The following GRID2 variants were observed in gnomAD, a reference collection of about 807,000 sequenced individuals.
GRID2 encodes the protein glutamate receptor ionotropic, delta-2.
Under a neutral mutation model 114.8 loss-of-function variants are expected in GRID2, and 33 were observed. That is an observed-to-expected ratio of 0.29 (90% CI 0.22 to 0.38). GRID2 has a LOEUF of 0.38. Among genes scored for constraint, GRID2 ranks in the 10% least tolerant of loss-of-function variants. The pLI is 1.00. For synonymous variants in GRID2, 505 were observed against 449.9 expected (o/e 1.12, Z -1.55); for missense variants, 1,184 against 1,257.7 (o/e 0.94, Z 0.89).
chr4:92,796,867 T>C (rs1347775030), intron 2 of GRID2, among the ~76,000 whole-genome samples: 1 of 151,932 alleles, frequency 6.6e-6, no homozygotes, highest in Non-Finnish European at 1.5e-5. Flanking sequence ...TGTTAGAGTC[T>C]ATAGGTAGGC....
intron 14 of GRID2, among the ~76,000 whole-genome samples, chr4:93,757,412 G>C (rs1732842723): frequency 6.6e-6 from 1 of 152,148 alleles, no homozygotes; most frequent in Non-Finnish European, 1.5e-5. Context: ...TCTACCTAGA[G>C]TACTCTTTTC....
rs139857900 is a variant in GRID2, at chr4:93,227,504, G to T, written c.1125+2729G>T. 2.6e-3 allele frequency among the ~76,000 whole-genome samples: 391 copies of T among 152,260 alleles called. 1 individual carries two copies. The highest frequency in any genetic ancestry group is 9.0e-3 in the African/African-American group (373 of 41,548). ...AGCCTCCCAAAGTGCTAGGATTACAGGTGTGAGCCACCATGCCTGTCCCTG... is the reference window on the plus strand; with the variant it reads ...AGCCTCCCAAAGTGCTAGGATTACATGTGTGAGCCACCATGCCTGTCCCTG... On this transcript the variant is annotated intron_variant, in intron 7 of 15. Transcript: ENST00000282020.
At chr4:92,470,466 C>A (rs917022781) in intron 1 of GRID2, among the ~76,000 whole-genome samples, 2 of 151,808 alleles carry the variant, frequency 1.3e-5, no homozygotes, top group East Asian at 3.9e-4. Context: ...AATATGCATT[C>A]TTTCATTTAT....
chr4:92,782,737 G>A (rs556458815), intron 2 of GRID2, among the ~76,000 whole-genome samples: 85 of 152,140 alleles, frequency 5.6e-4, no homozygotes, highest in African/African-American at 2.0e-3. Flanking sequence ...TGATGAGTGG[G>A]AAAAGATAAA....
chr4:93,305,384 A>G (rs1046937583), intron 8 of GRID2, among the ~76,000 whole-genome samples: 11 of 152,198 alleles, frequency 7.2e-5, no homozygotes, highest in Non-Finnish European at 1.3e-4. Flanking sequence ...GCTAATCTGC[A>G]TGGACTAAGT....
chr4:93,067,812 T>C (rs1392117638), intron 2 of GRID2, among the ~76,000 whole-genome samples: 1 of 152,078 alleles, frequency 6.6e-6, no homozygotes, highest in Non-Finnish European at 1.5e-5. Context: ...ACTTAAGAGT[T>C]AATGTGCCTC....
At chr4:92,977,273 G>T (rs1753937226) in intron 2 of GRID2, among the ~76,000 whole-genome samples, 2 of 152,146 alleles carry the variant, frequency 1.3e-5, no homozygotes, top group Non-Finnish European at 2.9e-5. Flanking sequence ...TTTCCCTAAG[G>T]AGATGACATT....
At chr4:93,312,593 T>C (rs1418454097) in intron 8 of GRID2, among the ~76,000 whole-genome samples, 1 of 152,234 alleles carries the variant, frequency 6.6e-6, no homozygotes, top group Non-Finnish European at 1.5e-5. Flanking sequence ...GTAGTCACTT[T>C]AAAATTCACC....
intron 2 of GRID2, among the ~76,000 whole-genome samples, chr4:93,040,285 CAAAAA>C (rs1211442570): frequency 8.9e-6 from 1 of 112,028 alleles, no homozygotes; most frequent in Admixed American, 9.0e-5. Flanking sequence ...TACAGAATCA[CAAAAA>C]AAAAAAAAGA....
intron 1 of GRID2, among the ~76,000 whole-genome samples, chr4:92,441,427 G>A (rs1409421051): frequency 6.6e-6 from 1 of 152,118 alleles, no homozygotes; most frequent in Non-Finnish European, 1.5e-5. Flanking sequence ...AGGGGCAAAG[G>A]AATAGTAAAG....
intron 2 of GRID2, among the ~76,000 whole-genome samples, chr4:92,612,097 C>A (rs550612495): frequency 6.6e-6 from 1 of 151,144 alleles, no homozygotes; most frequent in African/African-American, 2.4e-5. Context: ...CTAGAAAATG[C>A]CTATATTTAA....
chr4:93,258,876 C>G, intron 8 of GRID2: 1 of 453,818 alleles, frequency 2.2e-6, no homozygotes, highest in South Asian at 1.6e-5. Context: ...CATTTATTAT[C>G]CTCTCTTTTC....
At chr4:92,533,482 T>TACATACAC (rs1486871264) in intron 1 of GRID2, among the ~76,000 whole-genome samples, 103 of 147,224 alleles carry the variant, frequency 7.0e-4, no homozygotes, top group African/African-American at 2.2e-3. Context: ...CATACATACA[T>TACATACAC]ACACACACAG....
At chr4:92,802,016 C>T (rs745602178) in intron 2 of GRID2, among the ~76,000 whole-genome samples, 2 of 151,786 alleles carry the variant, frequency 1.3e-5, no homozygotes, top group Non-Finnish European at 2.9e-5. Flanking sequence ...TCATAATATA[C>T]TATCGGATGA....
intron 8 of GRID2, among the ~76,000 whole-genome samples, chr4:93,275,070 C>G (rs1485103377): frequency 6.6e-6 from 1 of 151,902 alleles, no homozygotes; most frequent in Non-Finnish European, 1.5e-5. Context: ...TCACCCCCGA[C>G]TTCCCCCTTT....
intron 2 of GRID2, among the ~76,000 whole-genome samples, chr4:93,039,313 T>C (rs894335725): frequency 6.7e-6 from 1 of 148,772 alleles, no homozygotes; most frequent in Non-Finnish European, 1.5e-5. Context: ...CAGCGGGGCC[T>C]GTCTGGGGGT....
chr4:92,861,681 C>T (rs1454949349), intron 2 of GRID2, among the ~76,000 whole-genome samples: 1 of 151,918 alleles, frequency 6.6e-6, no homozygotes, highest in Non-Finnish European at 1.5e-5. Context: ...CTTCCCTGGA[C>T]TACACAAAAT....
chr4:92,711,904 G>GA (rs1008330154), intron 2 of GRID2, among the ~76,000 whole-genome samples: 1 of 152,010 alleles, frequency 6.6e-6, no homozygotes, highest in African/African-American at 2.4e-5. Context: ...CCCTGTCTTT[G>GA]AAAAAATAAA....
At chr4:93,775,512 C>T (rs1047027572), downstream of GRID2, among the ~76,000 whole-genome samples, 2 of 152,168 alleles carry the variant, frequency 1.3e-5, no homozygotes, top group African/African-American at 4.8e-5. Context: ...GTGAGTACCT[C>T]AGGTTATTTA....
Sources: gnomAD v4.1 joint callset for allele counts (sites outside exome capture counted in the v4.1 genomes callset) on GRCh38, gnomAD v4.1.1 for gene constraint, MANE v1.5 for transcripts, NCBI Gene and HGNC (gene_info 2026-07-23, HGNC 2026-07-21) for gene names.